Variants in ARNT2 observed in about 807,000 individuals in gnomAD.
ARNT2 encodes the protein aryl hydrocarbon receptor nuclear translocator 2, also known as ARNT protein 2.
ARNT2 carries 36 observed loss-of-function variants against 91.7 expected under a neutral mutation model. The observed-to-expected ratio is 0.39, with a 90% CI of 0.30 to 0.52. ARNT2 has a LOEUF of 0.52. Ranked by LOEUF, ARNT2 falls within the 20% of genes least tolerant of loss-of-function variation. The pLI is 0.72. For synonymous variants in ARNT2, 365 were observed against 347.1 expected, an observed-to-expected ratio of 1.05 and a Z score of -0.57; for missense variants, 775 against 939.3, an observed-to-expected ratio of 0.83 and a Z score of 2.29.
intron 2 of ARNT2, among the ~76,000 whole-genome samples, chr15:80,451,223 T>G (rs950119582): frequency 6.6e-6 from 1 of 152,234 alleles, no homozygotes; most frequent in Non-Finnish European, 1.5e-5. Flanking sequence ...GGTGAGAATG[T>G]GCTTTGTGAT....
chr15:80,498,626 G>A (rs1281395235), intron 5 of ARNT2, among the ~76,000 whole-genome samples: 1 of 152,178 alleles, frequency 6.6e-6, no homozygotes, highest in East Asian at 1.9e-4. Flanking sequence ...ATTCCCCCGA[G>A]TCTCCCAGGA....
At chr15:80,505,924 G>GTTTT (rs1486880107) in intron 5 of ARNT2, among the ~76,000 whole-genome samples, 12 of 71,180 alleles carry the variant, frequency 1.7e-4, no homozygotes, top group African/African-American at 7.2e-4. Flanking sequence ...CCCAACATTT[G>GTTTT]TTGTTTTTTT....
chr15:80,463,471 T>TGGGTTA (rs573736518), intron 3 of ARNT2, among the ~76,000 whole-genome samples: 144 of 151,962 alleles, frequency 9.5e-4, no homozygotes, highest in African/African-American at 1.4e-3. Context: ...GTTGCTTCAG[T>TGGGTTA]GGGTTAGGGT....
intron 12 of ARNT2, among the ~76,000 whole-genome samples, chr15:80,564,812 T>C (rs1177366077): frequency 6.6e-6 from 1 of 152,212 alleles, no homozygotes; most frequent in African/African-American, 2.4e-5. Context: ...ATTCATTCAC[T>C]TAGGGTAATG....
chr15:80,532,870 G>A (rs1194983085), intron 8 of ARNT2, among the ~76,000 whole-genome samples: 1 of 152,210 alleles, frequency 6.6e-6, no homozygotes, highest in African/African-American at 2.4e-5. Flanking sequence ...TTTGAAAAGG[G>A]ACTCAAATAT....
At chr15:80,555,302 AG>A (rs1163828891) in intron 11 of ARNT2, 163 bp downstream of exon 11, 2 of 631,788 alleles carry the variant, frequency 3.2e-6, no homozygotes, top group Non-Finnish European at 5.6e-6. Context: ...CTAGTAGGGA[AG>A]ACAGACACAC....
chr15:80,485,101 A>C (rs1318713796), intron 5 of ARNT2, among the ~76,000 whole-genome samples: 1 of 152,232 alleles, frequency 6.6e-6, no homozygotes, highest in East Asian at 1.9e-4. Flanking sequence ...ATTCCATTTA[A>C]ACACTACTAT....
chr15:80,538,731 A>T (rs1443440121), intron 8 of ARNT2, among the ~76,000 whole-genome samples: 1 of 152,150 alleles, frequency 6.6e-6, no homozygotes, highest in African/African-American at 2.4e-5. Flanking sequence ...GGAAGCAATT[A>T]ATAAAAGAAG....
At chr15:80,418,565 C>T (rs1895818221) in intron 1 of ARNT2, among the ~76,000 whole-genome samples, 1 of 152,224 alleles carries the variant, frequency 6.6e-6, no homozygotes, top group East Asian at 1.9e-4. Flanking sequence ...GTAAGGTTCC[C>T]ACTGTCCAAG....
chr15:80,505,088 C>T (rs549250351), intron 5 of ARNT2, among the ~76,000 whole-genome samples: 1 of 152,336 alleles, frequency 6.6e-6, no homozygotes, highest in Admixed American at 6.5e-5. Flanking sequence ...CCAGGAAACA[C>T]ATTTGTCGCT....
intron 1 of ARNT2, among the ~76,000 whole-genome samples, chr15:80,431,038 C>A (rs759680601): frequency 6.6e-6 from 1 of 152,118 alleles, no homozygotes; most frequent in Non-Finnish European, 1.5e-5. Context: ...TTATATCCTT[C>A]CTGGAATCCA....
intron 5 of ARNT2, among the ~76,000 whole-genome samples, chr15:80,503,789 C>T (rs1897233066): frequency 6.6e-6 from 1 of 152,232 alleles, no homozygotes; most frequent in South Asian, 2.1e-4. Flanking sequence ...CTGAGTCAAA[C>T]CATTCCACTG....
rs201784669 is a variant in ARNT2 at position 80,504,526 on chromosome 15, T to G, written c.623-3630T>G. 7.9e-5 allele frequency among the ~76,000 whole-genome samples: 12 copies of G among 152,304 alleles called. No individual in the cohort carries two copies. In the South Asian group the frequency reaches 2.5e-3, roughly 32 times the overall value. On this transcript the variant is annotated intron_variant, in intron 5 of 18. Coordinates refer to ENST00000303329, the MANE Select transcript of ARNT2 (RefSeq NM_014862.4). The stretch of plus-strand genomic sequence containing the variant: ...GCTCACGCCTGTAGTCCCAGCACTT[T>G]GGAGGCCGAGGCAAGAAGAATGCTT...
intron 1 of ARNT2, chr15:80,441,487 C>A: frequency 1.3e-6 from 1 of 747,952 alleles, no homozygotes; most frequent in Non-Finnish European, 1.6e-6. Flanking sequence ...CACCCCCCTC[C>A]CAGCCATGGA....
intron 1 of ARNT2, 148 bp from the exon 2 acceptor site, chr15:80,450,732 A>C: frequency 2.6e-6 from 2 of 767,046 alleles, no homozygotes; most frequent in Non-Finnish European, 4.6e-6. Context: ...TGCCCCAGCC[A>C]CATAGCTGAT....
chr15:80,470,237 G>A lies in ARNT2; in HGVS notation c.214G>A (p.Glu72Lys). Residue 72 changes from glutamate to lysine, a missense_variant, in exon 4 of 19, where the codon GAA becomes AAA. Glu to Lys is a moderately conservative substitution (Grantham distance 56). Transcript: ENST00000303329. ...KFSRENHSEI[E>K]RRRRNKMTQY... ...GGAAAGAGAGAATCATAGTGAAATCGAAAGGCGCAGACGGAACAAGATGAC... is the reference window on the plus strand; with the variant it reads ...GGAAAGAGAGAATCATAGTGAAATCAAAAGGCGCAGACGGAACAAGATGAC... 1 of 1,613,986 alleles carries A rather than the reference G, an allele frequency of 6.2e-7. No individual in the cohort carries two copies. The highest frequency in any genetic ancestry group is 2.2e-5 in the East Asian group (1 of 44,874).
intron 12 of ARNT2, among the ~76,000 whole-genome samples, chr15:80,568,951 C>T (rs547773705): frequency 2.0e-5 from 3 of 152,318 alleles, no homozygotes; most frequent in South Asian, 2.1e-4. Context: ...CACACACGCG[C>T]GTGCACACAC....
At chr15:80,568,011 G>A (rs982036933) in intron 12 of ARNT2, among the ~76,000 whole-genome samples, 1 of 152,214 alleles carries the variant, frequency 6.6e-6, no homozygotes, top group Non-Finnish European at 1.5e-5. Flanking sequence ...TTGCAAGCTC[G>A]GTTGCTTTCA....
chr15:80,576,368 C>T (rs1439362137), intron 14 of ARNT2, among the ~76,000 whole-genome samples: 1 of 152,166 alleles, frequency 6.6e-6, no homozygotes, highest in Non-Finnish European at 1.5e-5. Context: ...CCTCCGCCTC[C>T]TGGGCTCAAG....
Sources: gnomAD v4.1 joint callset for allele counts (sites outside exome capture counted in the v4.1 genomes callset) on GRCh38, gnomAD v4.1.1 for gene constraint, MANE v1.5 for transcripts, NCBI Gene and HGNC (gene_info 2026-07-23, HGNC 2026-07-21) for gene names.